CHST15: variants seen among roughly 807,000 people sequenced by gnomAD.
CHST15 encodes B cell RAG associated protein (GALNAC4S-6ST).
CHST15 carries 30 observed loss-of-function variants against 53.6 expected under a neutral mutation model. The ratio of observed to expected loss-of-function variants is 0.56; its 90% CI spans 0.42 to 0.76. The LOEUF is 0.76. CHST15 is among the 30% of genes least tolerant of loss of function. The pLI, the probability that CHST15 is intolerant of heterozygous loss-of-function variation, is 0.00. For missense variants in CHST15, 627 were observed against 740.5 expected (o/e 0.85, Z 1.78); for synonymous variants, 296 against 289.8 (o/e 1.02, Z -0.22).
In CHST15 at chr10:124,074,855, T is replaced by C. The variant is rs1949022667; in HGVS notation, c.-513+18614A>G. Among the ~76,000 whole-genome samples the C allele has an allele frequency of 6.6e-6, 1 of 152,224 alleles. No individual in the cohort carries two copies. The highest frequency in any genetic ancestry group is 2.4e-5 in the African/African-American group (1 of 41,462). On this transcript the variant is annotated intron_variant, in intron 1 of 7. Transcript: ENST00000435907. The surrounding 1 kb of genome is among the most constrained non-coding windows in gnomAD (Gnocchi z 4.4). ...GCCTCCCAGCAGCCAGGGCTGACTT[T>C]CCTTTTGAATGCGGCTGTGCTAGGC...
chr10:124,060,770 TACTA>T (rs1327475813), intron 1 of CHST15, among the ~76,000 whole-genome samples: 24 of 152,214 alleles, frequency 1.6e-4, no homozygotes, highest in Non-Finnish European at 3.2e-4. Context: ...TCCACGTATA[TACTA>T]ACTGACACAA....
In CHST15 at chr10:124,064,427, C is replaced by T. The variant is rs142939269; in HGVS notation, c.-512-17703G>A. Among the ~76,000 whole-genome samples, 11 of 152,324 alleles carry T rather than the reference C, an allele frequency of 7.2e-5. No homozygotes were observed. In the East Asian group the frequency reaches 1.5e-3, roughly 21 times the overall value. On this transcript the variant is annotated intron_variant, in intron 1 of 7. Transcript: ENST00000435907. ...CCTTGCAAAGGTACAGCAGTGGCCA[C>T]GGAGCAGAACGCAAGCCCCTGACTG...
At position 124,061,321 on chromosome 10, in the gene CHST15, G is replaced by A. The variant is rs530485034; in HGVS notation, c.-512-14597C>T. Among the ~76,000 whole-genome samples, 5 of 152,288 alleles carry A rather than the reference G, an allele frequency of 3.3e-5. No homozygotes were observed. The South Asian group carries it at 6.2e-4, about 19-fold the overall frequency. Reference sequence around the variant, plus strand: ...GGCCGGTTTTTCCCGTGCTATTCTCGTGATAGTAAATAAGCACGAGATCTG... The same window carrying A: ...GGCCGGTTTTTCCCGTGCTATTCTCATGATAGTAAATAAGCACGAGATCTG... On this transcript the variant is annotated intron_variant, in intron 1 of 7. Coordinates refer to ENST00000435907, the MANE Select transcript of CHST15 (RefSeq NM_001270764.2).
rs1012892885 is a variant in CHST15, at chr10:124,019,777, G to T, written c.1347+1479C>A. On this transcript the variant is annotated intron_variant, in intron 6 of 7. Coordinates refer to ENST00000435907, the MANE Select transcript of CHST15 (RefSeq NM_001270764.2). This position sits in a 1 kb window ranked among gnomAD's most constrained non-coding sequence, Gnocchi z 4.6. ...TCTGAGGGGTCCCATCTCTCTCAGGGTGATGTCTAGACTTCTTCTGAGGCT... is the reference window on the plus strand; with the variant it reads ...TCTGAGGGGTCCCATCTCTCTCAGGTTGATGTCTAGACTTCTTCTGAGGCT... The T allele has an allele frequency of 1.1e-5, 11 of 985,232 alleles. No homozygotes were observed. Among genetic ancestry groups the T allele is most frequent in the Non-Finnish European group, 1.1e-5 (9 of 829,858 alleles). 61.0% of individuals were successfully genotyped at this position (985,232 alleles called of 1,614,324 possible). A position where few individuals can be genotyped will look rare whatever the true frequency, so the allele number is the denominator to read the frequency against.
intron 5 of CHST15, among the ~76,000 whole-genome samples, chr10:124,033,433 G>T (rs1371236024): frequency 2.6e-5 from 4 of 152,324 alleles, no homozygotes; most frequent in African/African-American, 9.6e-5. Flanking sequence ...AACGGGAGGT[G>T]GCTGACTCCT....
At chr10:124,045,546 T>G in intron 2 of CHST15, 121 bp downstream of exon 2, 2 of 995,378 alleles carry the variant, frequency 2.0e-6, no homozygotes, top group Non-Finnish European at 3.0e-6. Flanking sequence ...AAATGATCCT[T>G]GCTACATCTA....
At chr10:124,023,485 C>CA (rs144190606) in intron 5 of CHST15, among the ~76,000 whole-genome samples, 48,949 of 134,920 alleles carry the variant, frequency 0.36, 8,732 homozygotes, top group East Asian at 0.64. Context: ...GAACCTCTCT[C>CA]AAAAAAAAAA....
chr10:124,045,134 A>ACAAAAAC (rs1564882327), intron 2 of CHST15, among the ~76,000 whole-genome samples: 4 of 147,542 alleles, frequency 2.7e-5, no homozygotes, highest in African/African-American at 1.0e-4. Context: ...AAAAAAAAAA[A>ACAAAAAC]AAAAAAAAAA....
At position 124,074,605 on chromosome 10, in the gene CHST15, G is replaced by A. The variant is rs902914544; in HGVS notation, c.-513+18864C>T. Among the ~76,000 whole-genome samples, 3 of 152,126 alleles carry A rather than the reference G, an allele frequency of 2.0e-5. No homozygotes were observed. The highest frequency in any genetic ancestry group is 3.9e-4 in the East Asian group (2 of 5,188). On this transcript the variant is annotated intron_variant, in intron 1 of 7. Coordinates refer to ENST00000435907, the MANE Select transcript of CHST15 (RefSeq NM_001270764.2). The surrounding 1 kb of genome is among the most constrained non-coding windows in gnomAD (Gnocchi z 4.4). The stretch of plus-strand genomic sequence containing the variant: ...TGCAGTCTCTGCCTCCTCTCCCTCC[G>A]CGCAGCTTCCTCCATTATGACCTGG...
At chr10:124,093,255 C>T (rs1310651100) in intron 1 of CHST15, among the ~76,000 whole-genome samples, 1 of 148,496 alleles carries the variant, frequency 6.7e-6, no homozygotes, top group African/African-American at 2.6e-5. Context: ...GCCGCCGCCG[C>T]CACCGCCACC....
chr10:124,013,176 T>C (rs1406586905), intron 6 of CHST15, among the ~76,000 whole-genome samples: 1 of 152,200 alleles, frequency 6.6e-6, no homozygotes, highest in Non-Finnish European at 1.5e-5. Flanking sequence ...CCCCTGGATG[T>C]CCTGCCTGAC....
chr10:124,028,376 C>T (rs1484063844), intron 5 of CHST15, among the ~76,000 whole-genome samples: 1 of 152,194 alleles, frequency 6.6e-6, no homozygotes, highest in Non-Finnish European at 1.5e-5. Context: ...CAGGACCTGG[C>T]TCCAAGGCCA....
Position 124,045,688 on chromosome 10 carries a change from GTCT to G in CHST15, c.522_524del (p.Glu174del). ...TCACATGCAACTCCTGCTTCTTAAG[GTCT>G]TCTAAGTCTGGGAGCTGTCTGGTCG... On this transcript the variant is annotated inframe_deletion, in exon 2 of 8. Coordinates refer to ENST00000435907, the MANE Select transcript of CHST15 (RefSeq NM_001270764.2). 6.2e-7 allele frequency: 1 copy of G among 1,603,634 alleles called. No homozygotes were observed. Among genetic ancestry groups the G allele is most frequent in the Non-Finnish European group, 8.5e-7 (1 of 1,174,158 alleles).
intron 4 of CHST15, 41 bp from the exon 5 acceptor site, chr10:124,038,712 C>A: frequency 6.2e-7 from 1 of 1,604,502 alleles, no homozygotes; most frequent in South Asian, 1.1e-5. Flanking sequence ...GGGTGTGATT[C>A]AGGCTCCCAC....
intron 2 of CHST15, among the ~76,000 whole-genome samples, 195 bp from the exon 3 acceptor site, chr10:124,045,114 A>AAAAAAAAAAC (rs1240792098): frequency 2.6e-4 from 25 of 97,050 alleles, no homozygotes; most frequent in African/African-American, 1.1e-3. Flanking sequence ...CCGCCCCACA[A>AAAAAAAAAAC]AAAAAAAAAA....
At chr10:124,043,248 G>T (rs369559602) in intron 3 of CHST15, among the ~76,000 whole-genome samples, 1 of 152,102 alleles carries the variant, frequency 6.6e-6, no homozygotes, top group African/African-American at 2.4e-5. Flanking sequence ...CTTTCCTGCC[G>T]GTAGAAAGCT....
chr10:124,012,191 G>A, intron 7 of CHST15, 142 bp downstream of exon 7: 1 of 832,744 alleles, frequency 1.2e-6, no homozygotes, highest in Non-Finnish European at 1.9e-6. Context: ...TACTTAACAG[G>A]CCTCCTGAAG....
intron 1 of CHST15, among the ~76,000 whole-genome samples, chr10:124,076,993 G>A (rs1364230307): frequency 6.6e-6 from 1 of 152,234 alleles, no homozygotes; most frequent in Non-Finnish European, 1.5e-5. Flanking sequence ...ACAGGCGTGA[G>A]CCACCGCGCC....
At chr10:124,047,180 A>G (rs1478465161) in intron 1 of CHST15, among the ~76,000 whole-genome samples, 1 of 152,242 alleles carries the variant, frequency 6.6e-6, no homozygotes, top group Non-Finnish European at 1.5e-5. Context: ...ATGGTTAGAA[A>G]GGGAGCAGGC....
Sources: allele counts gnomAD v4.1 joint callset (sites outside exome capture counted in the v4.1 genomes callset), GRCh38; gene constraint gnomAD v4.1.1; non-coding constraint Gnocchi (gnomAD v3.1); transcripts MANE v1.5; gene names NCBI Gene and HGNC (gene_info 2026-07-23, HGNC 2026-07-21).